Variants in CLYBL observed in about 807,000 individuals in gnomAD.
CLYBL encodes the protein citramalyl-CoA lyase, mitochondrial.
CLYBL carries 31 observed loss-of-function variants against 38.9 expected under a neutral mutation model. That is an observed-to-expected ratio of 0.80 (90% confidence interval 0.60 to 1.08). The LOEUF (loss-of-function observed/expected upper bound fraction) is 1.08. CLYBL is among the 50% of genes least tolerant of loss of function. CLYBL has a pLI of 0.00. For missense variants in CLYBL, 434 were observed against 411.6 expected, an observed-to-expected ratio of 1.05 and a Z score of -0.47; for synonymous variants, 171 against 158.6, an observed-to-expected ratio of 1.08 and a Z score of -0.59.
chr13:99,642,989 A>T (rs538573977), intron 1 of CLYBL: 2 of 153,640 alleles, frequency 1.3e-5, no homozygotes, highest in African/African-American at 4.8e-5. Context: ...TTTCTAATAC[A>T]CTGAGCTCAA....
At chr13:99,622,941 C>T (rs2046818974) in intron 1 of CLYBL, among the ~76,000 whole-genome samples, 1 of 152,160 alleles carries the variant, frequency 6.6e-6, no homozygotes. Context: ...GAGTGATTCC[C>T]CCTGCCTCAA....
intron 7 of CLYBL, 88 bp downstream of exon 7, chr13:99,871,150 A>G: frequency 2.1e-6 from 3 of 1,448,616 alleles, no homozygotes; most frequent in Non-Finnish European, 2.9e-6. Flanking sequence ...GAATGGTTTA[A>G]GAAAACTCAT....
At chr13:99,825,766 G>A (rs193054021) in intron 2 of CLYBL, among the ~76,000 whole-genome samples, 10 of 152,296 alleles carry the variant, frequency 6.6e-5, no homozygotes, top group East Asian at 5.8e-4. Flanking sequence ...GCAGGTGGGC[G>A]GCACAGATTG....
At position 99,650,371 on chromosome 13, in the gene CLYBL, A is replaced by G. The variant is rs2047236062; in HGVS notation, c.62+43614A>G. ...CAGGAGTTTAAGGCTACGGTGAACT[A>G]TGGTTGTCCCACCGTACTCCAGCCT... On this transcript the variant is annotated intron_variant, in intron 1 of 8. Coordinates refer to ENST00000339105, the MANE Select transcript of CLYBL (RefSeq NM_206808.5). 2.0e-5 allele frequency among the ~76,000 whole-genome samples: 3 copies of G among 152,050 alleles called. No individual in the cohort carries two copies. In the South Asian group the frequency reaches 6.2e-4, roughly 32 times the overall value.
chr13:99,725,313 T>C lies in CLYBL; in HGVS notation c.63-47511T>C, dbSNP rs78624372. On this transcript the variant is annotated intron_variant, in intron 1 of 8. Transcript: ENST00000339105. ...TGCGGTTTTTTTAAGGTTCTGGACC[T>C]GCTTCTTACTCAGAAGCTCACAGCT... 6.8e-4 allele frequency among the ~76,000 whole-genome samples: 103 copies of C among 152,294 alleles called. 1 individual carries two copies. In the East Asian group the frequency reaches 0.013, roughly 19 times the overall value.
intron 1 of CLYBL, among the ~76,000 whole-genome samples, chr13:99,689,540 C>G (rs181236116): frequency 6.6e-6 from 1 of 152,322 alleles, no homozygotes; most frequent in Non-Finnish European, 1.5e-5. Context: ...AATGAAGGAG[C>G]ATGATTGAAA....
chr13:99,904,045 T>TAAAAAAAAAAAAAAAA (rs57462379), intron 8 of CLYBL, among the ~76,000 whole-genome samples: 1 of 143,714 alleles, frequency 7.0e-6, no homozygotes, highest in African/African-American at 2.6e-5. Context: ...ACCCCTCTCT[T>TAAAAAAAAAAAAAAAA]AAAAAAAAAA....
intron 1 of CLYBL, among the ~76,000 whole-genome samples, chr13:99,721,798 G>A (rs2048397334): frequency 6.6e-6 from 1 of 152,088 alleles, no homozygotes; most frequent in Non-Finnish European, 1.5e-5. Flanking sequence ...CCCTTGGCGT[G>A]GTAGGTTAGT....
intron 1 of CLYBL, among the ~76,000 whole-genome samples, chr13:99,746,096 A>AG (rs1170695489): frequency 6.7e-6 from 1 of 150,276 alleles, no homozygotes; most frequent in Non-Finnish European, 1.5e-5. Flanking sequence ...ATTTTCTAGA[A>AG]GAAAAAAAAA....
chr13:99,718,698 G>A (rs971814429), intron 1 of CLYBL, among the ~76,000 whole-genome samples: 3 of 152,144 alleles, frequency 2.0e-5, no homozygotes, highest in Non-Finnish European at 2.9e-5. Context: ...TATTTCAGAT[G>A]TCTGCAATTT....
At chr13:99,751,738 T>C (rs1335503480) in intron 1 of CLYBL, among the ~76,000 whole-genome samples, 1 of 152,132 alleles carries the variant, frequency 6.6e-6, no homozygotes, top group Non-Finnish European at 1.5e-5. Flanking sequence ...AGATAGATGG[T>C]GGTGGTGATT....
intron 7 of CLYBL, among the ~76,000 whole-genome samples, chr13:99,878,794 A>G (rs1157329345): frequency 2.0e-5 from 3 of 152,120 alleles, no homozygotes; most frequent in African/African-American, 7.2e-5. Flanking sequence ...ACTTGGCTTT[A>G]TTTTTCCAGA....
intron 2 of CLYBL, among the ~76,000 whole-genome samples, chr13:99,848,202 G>A (rs11839651): frequency 3.3e-5 from 5 of 152,032 alleles, no homozygotes; most frequent in South Asian, 2.1e-4. Flanking sequence ...TTGAGGTGCC[G>A]TCCCCTGCTT....
At chr13:99,714,185 G>GT (rs895364553) in intron 1 of CLYBL, among the ~76,000 whole-genome samples, 2 of 152,092 alleles carry the variant, frequency 1.3e-5, no homozygotes, top group African/African-American at 4.8e-5. Context: ...TGTTTGTTCT[G>GT]TTTTTTGCTC....
At chr13:99,695,948 C>A (rs1235836969) in intron 1 of CLYBL, among the ~76,000 whole-genome samples, 2 of 152,176 alleles carry the variant, frequency 1.3e-5, no homozygotes, top group African/African-American at 4.8e-5. Context: ...TTACAGTACT[C>A]AGTAGGACAA....
chr13:99,870,780 G>A (rs1753256892), intron 6 of CLYBL, among the ~76,000 whole-genome samples, 158 bp from the exon 7 acceptor site: 1 of 152,140 alleles, frequency 6.6e-6, no homozygotes, highest in African/African-American at 2.4e-5. Flanking sequence ...TCTGATTGCA[G>A]GTTTTGTTTG....
In CLYBL at chr13:99,676,398, C is replaced by T. The variant is rs558325173; in HGVS notation, c.62+69641C>T. Among the ~76,000 whole-genome samples, 5 of 152,000 alleles carry T rather than the reference C, an allele frequency of 3.3e-5. No individual in the cohort carries two copies. In the East Asian group the frequency reaches 9.7e-4, roughly 29 times the overall value. On this transcript the variant is annotated intron_variant, in intron 1 of 8. Coordinates refer to ENST00000339105, the MANE Select transcript of CLYBL (RefSeq NM_206808.5). ...AATCTCGGCTCACTGCAGCCTCCAC[C>T]TCATTTGTTCTCATGTCTTAGCCAC...
chr13:99,679,120 C>G (rs1401556505), intron 1 of CLYBL, among the ~76,000 whole-genome samples: 2 of 151,940 alleles, frequency 1.3e-5, no homozygotes, highest in Non-Finnish European at 2.9e-5. Context: ...CGGTGAAACC[C>G]TGTCTCTACT....
At chr13:99,706,026 G>A (rs1354845344) in intron 1 of CLYBL, among the ~76,000 whole-genome samples, 1 of 151,812 alleles carries the variant, frequency 6.6e-6, no homozygotes, top group African/African-American at 2.4e-5. Context: ...CCGCCTCCTG[G>A]GCTCAAGCAA....
Sources: allele counts gnomAD v4.1 joint callset (sites outside exome capture counted in the v4.1 genomes callset), GRCh38; gene constraint gnomAD v4.1.1; transcripts MANE v1.5; gene names NCBI Gene and HGNC (gene_info 2026-07-23, HGNC 2026-07-21).